KIF9: variants seen among roughly 807,000 people sequenced by gnomAD.
KIF9 encodes the protein kinesin family member 9.
In KIF9, 68 loss-of-function variants were observed where a neutral mutation model predicts 94.8. That is an observed-to-expected ratio of 0.72 (90% CI 0.59 to 0.88). The LOEUF is 0.88. KIF9 is among the 40% of genes least tolerant of loss of function. The pLI is 0.00. For missense variants in KIF9, 882 were observed against 982.5 expected, an observed-to-expected ratio of 0.90 and a Z score of 1.37; for synonymous variants, 343 against 362.1, an observed-to-expected ratio of 0.95 and a Z score of 0.60.
chr3:47,240,082 C>G (rs1322572098), intron 17 of KIF9: 2 of 486,818 alleles, frequency 4.1e-6, no homozygotes, highest in South Asian at 2.1e-5. Context: ...CTGCACTTGA[C>G]CAGCCCTCTC....
intron 17 of KIF9, among the ~76,000 whole-genome samples, chr3:47,238,095 CTT>C (rs1699171066): frequency 6.6e-6 from 1 of 151,894 alleles, no homozygotes. Flanking sequence ...TTCTTTTTTT[CTT>C]TTGTTTCTTT....
At chr3:47,250,727 G>A in intron 10 of KIF9, 1 of 218,872 alleles carries the variant, frequency 4.6e-6, no homozygotes. Context: ...ACTTCAAGCT[G>A]AGAACCCTCG....
chr3:47,256,158 T>C (rs1015572693), intron 10 of KIF9, among the ~76,000 whole-genome samples: 1 of 152,228 alleles, frequency 6.6e-6, no homozygotes, highest in East Asian at 1.9e-4. Context: ...AAGGCCGAGA[T>C]TGCAGCCTCT....
chr3:47,235,494 A>T lies in KIF9; in HGVS notation c.2322+19T>A. The T allele has an allele frequency of 6.5e-7, 1 of 1,548,420 alleles. No homozygotes were observed. Among genetic ancestry groups the T allele is most frequent in the Non-Finnish European group, 8.9e-7 (1 of 1,120,120 alleles). On this transcript the variant is annotated intron_variant, in intron 20 of 20. Transcript: ENST00000684063. ...CACTGAGGCCCCCATCCTCCTGGAG[A>T]CATAGGCCTCTGAGTTACCTTCTGC...
rs958107527 is a variant in KIF9, at chr3:47,240,791, A to G, written c.1924+10T>C. The G allele has an allele frequency of 1.2e-6, 2 of 1,611,170 alleles. No homozygotes were observed. Among genetic ancestry groups the G allele is most frequent in the African/African-American group, 1.3e-5 (1 of 74,838 alleles). On this transcript the variant is annotated intron_variant, in intron 17 of 20. Coordinates refer to ENST00000684063, the MANE Select transcript of KIF9 (RefSeq NM_182902.4). ...CCAAAGCTCCCTAGCCCTCTTTCCA[A>G]CACATTTACCTTGCTTCTCCCGTAG...
At chr3:47,275,577 G>A in intron 2 of KIF9, 87 bp from the exon 3 acceptor site, 2 of 940,720 alleles carry the variant, frequency 2.1e-6, no homozygotes, top group Non-Finnish European at 3.3e-6. Context: ...GCCTAATCTG[G>A]AGGGAACAGA....
At chr3:47,258,234 G>A (rs1176199008) in intron 9 of KIF9, among the ~76,000 whole-genome samples, 1 of 152,136 alleles carries the variant, frequency 6.6e-6, no homozygotes. Flanking sequence ...GTTTGTTTGT[G>A]GGGTTTTGTT....
intron 20 of KIF9, among the ~76,000 whole-genome samples, chr3:47,229,173 TGTAAGCCAGCAAACGCTA>T (rs1698371012): frequency 6.6e-6 from 1 of 152,242 alleles, no homozygotes; most frequent in East Asian, 1.9e-4. Context: ...AACAGTGGGC[TGTAAGCCAGCAAACGCTA>T]AAACTAGCTT....
intron 9 of KIF9, 82 bp from the exon 10 acceptor site, chr3:47,257,642 C>A: frequency 8.4e-7 from 1 of 1,190,632 alleles, no homozygotes; most frequent in Non-Finnish European, 1.2e-6. Context: ...GAGACCTTGC[C>A]TGCCCTTTCC....
At chr3:47,265,641 T>C in intron 8 of KIF9, 89 bp downstream of exon 8, 1 of 1,406,038 alleles carries the variant, frequency 7.1e-7, no homozygotes, top group Non-Finnish European at 9.9e-7. Context: ...GAGGGAGCAA[T>C]TCTATCATCA....
At chr3:47,238,698 T>C (rs1379162925) in intron 17 of KIF9, 1 of 152,160 alleles carries the variant, frequency 6.6e-6, no homozygotes, top group African/African-American at 2.4e-5. Flanking sequence ...TCTCGTTCTG[T>C]CTCCCAGGCT....
intron 20 of KIF9, among the ~76,000 whole-genome samples, chr3:47,229,553 TAACTA>T (rs2106955049): frequency 1.3e-5 from 2 of 152,218 alleles, no homozygotes; most frequent in East Asian, 1.9e-4. Context: ...TATATTTAAA[TAACTA>T]AAACATAGAA....
chr3:47,229,287 A>C (rs952749597), intron 20 of KIF9, among the ~76,000 whole-genome samples: 1 of 152,348 alleles, frequency 6.6e-6, no homozygotes, highest in African/African-American at 2.4e-5. Flanking sequence ...GAGGGTTAAA[A>C]TGGTCCTGGG....
intron 15 of KIF9, 196 bp downstream of exon 15, chr3:47,244,595 G>A (rs1010610628): frequency 3.2e-5 from 21 of 647,942 alleles, no homozygotes; most frequent in South Asian, 2.3e-4. Context: ...CTGTGAGGAC[G>A]AGAGATGATT....
intron 17 of KIF9, among the ~76,000 whole-genome samples, chr3:47,237,986 G>A (rs994611915): frequency 6.6e-6 from 1 of 152,208 alleles, no homozygotes; most frequent in Non-Finnish European, 1.5e-5. Flanking sequence ...TGAAGATGGG[G>A]AGTAACTGTG....
In KIF9 at chr3:47,228,713, A is replaced by G; in HGVS notation, c.2323-11T>C. Reference sequence around the variant, plus strand: ...TTTCAAGTAATTATGCTGGACACAGAGGGAAGAGAAAACAGGAACTTATTA... The same window carrying G: ...TTTCAAGTAATTATGCTGGACACAGGGGGAAGAGAAAACAGGAACTTATTA... On this transcript the variant is annotated splice_polypyrimidine_tract_variant and intron_variant, in intron 20 of 20. Coordinates refer to ENST00000684063, the MANE Select transcript of KIF9 (RefSeq NM_182902.4). 1 of 1,613,098 alleles carries G rather than the reference A, an allele frequency of 6.2e-7. No homozygotes were observed. Among genetic ancestry groups the G allele is most frequent in the South Asian group, 1.1e-5 (1 of 91,066 alleles).
At position 47,240,851 on chromosome 3, in the gene KIF9, T is replaced by C; in HGVS notation, c.1874A>G (p.Asp625Gly). ...QHINAIKREI[D>G]VTKEALNFQK... ...GAAATTCAGGGCCTCCTTGGTCACA[T>C]CAATCTCCCGCTTGATGGCATTGAT... The change falls in exon 17 of 21, where the codon GAT (aspartate) becomes GGT (glycine). Residue 625 changes from aspartate (D) to glycine (G), a missense_variant. Physicochemically the swap from Asp to Gly is moderately conservative, Grantham distance 94. Transcript: ENST00000684063. The C allele has an allele frequency of 6.2e-7, 1 of 1,614,206 alleles. No homozygotes were observed. The highest frequency in any genetic ancestry group is 8.5e-7 in the Non-Finnish European group (1 of 1,180,044).
rs545680003 is a variant in KIF9, at chr3:47,235,290, A to G, written c.2322+223T>C. On this transcript the variant is annotated intron_variant, in intron 20 of 20. Transcript: ENST00000684063. ...TCTGCGAACCATACATAGGCTAGTC[A>G]GTACTCACCAGCCATGTCCTGGCCT... Among the ~76,000 whole-genome samples the G allele has an allele frequency of 3.3e-5, 5 of 152,320 alleles. No individual in the cohort carries two copies. In the South Asian group the frequency reaches 8.3e-4, roughly 25 times the overall value.
intron 9 of KIF9, among the ~76,000 whole-genome samples, chr3:47,262,534 A>G (rs563283020): frequency 5.3e-4 from 80 of 152,184 alleles, no homozygotes; most frequent in Non-Finnish European, 5.9e-4. Flanking sequence ...CAGCCTCCCA[A>G]AGTGCTCGGA....
Sources: allele counts gnomAD v4.1 joint callset (sites outside exome capture counted in the v4.1 genomes callset), GRCh38; gene constraint gnomAD v4.1.1; transcripts MANE v1.5; gene names NCBI Gene and HGNC (gene_info 2026-07-23, HGNC 2026-07-21).